Variants in CRADD observed in about 807,000 individuals in gnomAD.
CRADD encodes CARD and death domain containing adaptor protein.
CRADD carries 9 observed loss-of-function variants against 15.5 expected under a neutral mutation model. The observed-to-expected ratio is 0.58, with a 90% CI of 0.35 to 1.01. The LOEUF (loss-of-function observed/expected upper bound fraction) is 1.01, where lower values mean the gene tolerates loss of function less well. Ranked by LOEUF, CRADD falls within the 50% of genes least tolerant of loss-of-function variation. The pLI is 0.02. For missense variants in CRADD, 227 were observed against 250.3 expected, an observed-to-expected ratio of 0.91 and a Z score of 0.63; for synonymous variants, 118 against 107.6, an observed-to-expected ratio of 1.10 and a Z score of -0.60.
intron 2 of CRADD, among the ~76,000 whole-genome samples, chr12:93,875,831 A>G (rs754996263): frequency 6.6e-6 from 1 of 152,126 alleles, no homozygotes; most frequent in Non-Finnish European, 1.5e-5. Context: ...TCTACTCAGG[A>G]TAAGAGTAGT....
At chr12:93,706,560 T>C (rs2136849368) in intron 2 of CRADD, among the ~76,000 whole-genome samples, 2 of 152,192 alleles carry the variant, frequency 1.3e-5, no homozygotes, top group East Asian at 3.9e-4. Flanking sequence ...ATGAAATGAG[T>C]GTGCTGTTTT....
At chr12:93,803,106 T>A (rs1447759206) in intron 2 of CRADD, among the ~76,000 whole-genome samples, 1 of 152,212 alleles carries the variant, frequency 6.6e-6, no homozygotes, top group Non-Finnish European at 1.5e-5. Context: ...ATCAGGATGA[T>A]TTCTTGGTAT....
intron 2 of CRADD, among the ~76,000 whole-genome samples, chr12:93,794,413 T>G (rs1164078801): frequency 6.6e-6 from 1 of 151,772 alleles, no homozygotes; most frequent in Non-Finnish European, 1.5e-5. Flanking sequence ...GGTACCCCCA[T>G]CTCAGTAAAT....
intron 2 of CRADD, among the ~76,000 whole-genome samples, chr12:93,772,554 C>T (rs540200594): frequency 1.2e-4 from 18 of 152,166 alleles, no homozygotes; most frequent in African/African-American, 4.3e-4. Context: ...AAATACTTGT[C>T]TAGAGATATG....
intron 2 of CRADD, among the ~76,000 whole-genome samples, chr12:93,766,526 C>CT (rs1430710226): frequency 1.3e-5 from 2 of 152,208 alleles, no homozygotes; most frequent in Non-Finnish European, 2.9e-5. Context: ...ACTTTTCAAG[C>CT]TTCCTCTGGC....
At chr12:93,682,424 T>G (rs926367238) in intron 2 of CRADD, among the ~76,000 whole-genome samples, 1 of 152,216 alleles carries the variant, frequency 6.6e-6, no homozygotes, top group Non-Finnish European at 1.5e-5. Context: ...TGGGAGGCCT[T>G]GAGAACAAAT....
chr12:93,864,730 C>G (rs1958349498), intron 2 of CRADD, among the ~76,000 whole-genome samples: 1 of 152,174 alleles, frequency 6.6e-6, no homozygotes, highest in African/African-American at 2.4e-5. Flanking sequence ...GAAGGAAACA[C>G]AAAAACGTAT....
intron 2 of CRADD, among the ~76,000 whole-genome samples, chr12:93,742,009 C>T (rs1956676469): frequency 6.6e-6 from 1 of 152,106 alleles, no homozygotes; most frequent in Non-Finnish European, 1.5e-5. Context: ...AAGTTCTCGA[C>T]TGTAATGCAA....
intron 2 of CRADD, among the ~76,000 whole-genome samples, chr12:93,808,706 A>G (rs114686489): frequency 0.021 from 3,241 of 152,106 alleles, 70 homozygotes; most frequent in African/African-American, 0.051. Context: ...TCAGTCCCCA[A>G]TCACCTCTGA....
At chr12:93,894,067 C>T (rs577855007) in exon 3 of CRADD, 10 of 702,362 alleles carry the variant, frequency 1.4e-5, no homozygotes, top group Admixed American at 6.0e-5. Flanking sequence ...GAAACTGAGG[C>T]CAAAGGATTC....
chr12:93,835,023 C>T (rs545232397), intron 2 of CRADD, among the ~76,000 whole-genome samples: 2 of 152,192 alleles, frequency 1.3e-5, no homozygotes, highest in Admixed American at 1.3e-4. Flanking sequence ...AACACTGCAT[C>T]CTTTATTGCC....
rs761865609 is a variant in CRADD, at chr12:93,678,803, G to A, written c.29G>A (p.Arg10His). The change falls in exon 2 of 3, where the codon CGC becomes CAC. Residue 10 changes from arginine to histidine, a missense_variant. Physicochemically the swap from Arg to His is conservative, Grantham distance 29. Coordinates refer to ENST00000332896, the MANE Select transcript of CRADD (RefSeq NM_003805.5). Reference protein sequence around the residue: MEARDKQVLRSLRLELGAEV... With the variant: MEARDKQVLHSLRLELGAEV... ...GAGGCCAGAGACAAACAAGTACTCC[G>A]CTCACTTCGCCTGGAGCTGGGTGCA... is the stretch of plus-strand genomic sequence containing the variant. 6.8e-6 allele frequency: 11 copies of A among 1,613,944 alleles called. No homozygotes were observed. The highest frequency in any genetic ancestry group is 1.3e-5 in the African/African-American group (1 of 75,030).
intron 2 of CRADD, among the ~76,000 whole-genome samples, chr12:93,891,982 C>G (rs896928247): frequency 2.6e-5 from 4 of 152,190 alleles, no homozygotes; most frequent in African/African-American, 9.7e-5. Context: ...TATGGTTTAT[C>G]AAATGCTCCC....
At chr12:93,752,461 A>G (rs1299773358) in intron 2 of CRADD, among the ~76,000 whole-genome samples, 1 of 152,166 alleles carries the variant, frequency 6.6e-6, no homozygotes, top group Non-Finnish European at 1.5e-5. Flanking sequence ...AGACCAGTAA[A>G]ATAAACACTG....
chr12:93,679,926 A>G (rs1323388943), intron 2 of CRADD, among the ~76,000 whole-genome samples: 1 of 152,180 alleles, frequency 6.6e-6, no homozygotes, highest in Non-Finnish European at 1.5e-5. Flanking sequence ...GTTTGTTTTT[A>G]AAGGTTATTC....
intron 2 of CRADD, among the ~76,000 whole-genome samples, chr12:93,784,495 C>G (rs1477864799): frequency 6.6e-6 from 1 of 152,110 alleles, no homozygotes; most frequent in Admixed American, 6.5e-5. Flanking sequence ...CTTCTAACCA[C>G]TGTGCAGTCT....
intron 2 of CRADD, among the ~76,000 whole-genome samples, chr12:93,862,203 G>A (rs1487291348): frequency 6.6e-6 from 1 of 152,140 alleles, no homozygotes; most frequent in Non-Finnish European, 1.5e-5. Flanking sequence ...CCATCAGCAC[G>A]TCCACCAGGA....
chr12:93,732,094 C>T (rs1263840989), intron 2 of CRADD, among the ~76,000 whole-genome samples: 1 of 151,338 alleles, frequency 6.6e-6, no homozygotes, highest in Non-Finnish European at 1.5e-5. Context: ...CGAGATGGCA[C>T]CATTGCACTC....
chr12:93,746,812 G>T (rs1489436832), intron 2 of CRADD, among the ~76,000 whole-genome samples: 1 of 150,882 alleles, frequency 6.6e-6, no homozygotes, highest in Non-Finnish European at 1.5e-5. Flanking sequence ...AAGGAAAGAA[G>T]GATAATATTG....
Sources: gnomAD v4.1 joint callset for allele counts (sites outside exome capture counted in the v4.1 genomes callset) on GRCh38, gnomAD v4.1.1 for gene constraint, MANE v1.5 for transcripts, NCBI Gene and HGNC (gene_info 2026-07-23, HGNC 2026-07-21) for gene names.